Variants in ZNF891 observed in about 807,000 individuals in gnomAD.
ZNF891 encodes hCG1646157.
For synonymous variants in ZNF891, 199 were observed against 209.0 expected (o/e 0.95, Z 0.41); for missense variants, 589 against 632.7 (o/e 0.93, Z 0.74).
intron 1 of ZNF891, among the ~76,000 whole-genome samples, chr12:133,128,412 G>C (rs1304579444): frequency 2.6e-5 from 4 of 152,104 alleles, no homozygotes; most frequent in Non-Finnish European, 5.9e-5. Flanking sequence ...CGGGCGGATT[G>C]CCTGAGCTGA....
chr12:133,123,709 G>GA (rs760585563), intron 1 of ZNF891, among the ~76,000 whole-genome samples: 2,512 of 131,500 alleles, frequency 0.019, 47 homozygotes, highest in African/African-American at 0.051. Context: ...TCCTTTGCTT[G>GA]AAAAAAAAAA....
At position 133,111,929 on chromosome 12, in the gene ZNF891, T is replaced by C. The variant is rs1955685078; in HGVS notation, c.*8355A>G. 6.6e-6 allele frequency: 1 copy of C among 152,218 alleles called. No individual in the cohort carries two copies. 9.4% of individuals were successfully genotyped at this position (152,218 alleles called of 1,614,324 possible). A position where few individuals can be genotyped will look rare whatever the true frequency, so the allele number is the denominator to read the frequency against. Reference sequence around the variant, plus strand: ...TCATACATGAACTATTGCAAATAGCTTCCTAGTCTCTCAAGATTTTTTTAT... The same window carrying C: ...TCATACATGAACTATTGCAAATAGCCTCCTAGTCTCTCAAGATTTTTTTAT... On this transcript the variant is annotated 3_prime_UTR_variant, in exon 2 of 2. Transcript: ENST00000537226.
In ZNF891 at chr12:133,105,417, A is replaced by C; in HGVS notation, c.*14867T>G. 5 of 1,358,292 alleles carry C rather than the reference A, an allele frequency of 3.7e-6. No individual in the cohort carries two copies. The South Asian group carries it at 6.2e-5, about 17-fold the overall frequency. The allele number at this position is 1,358,292 out of a possible 1,614,324, so 84.1% of individuals were successfully genotyped here. On this transcript the variant is annotated 3_prime_UTR_variant, in exon 2 of 2. Transcript: ENST00000537226. ...AAGCTGCTATTGATAAGATTTTTTG[A>C]AACTTCATTCTGTTGCTAAAGAAGG...
In ZNF891 at chr12:133,121,790, C is replaced by T. The variant is rs991764931; in HGVS notation, c.129G>A (p.Met43Ile). 2.0e-6 allele frequency: 3 copies of T among 1,536,730 alleles called. No individual in the cohort carries two copies. The highest frequency in any genetic ancestry group is 1.7e-4 in the Middle Eastern group (1 of 6,016). ...VFLTTWLQEP[M>I]TFKDVAVEFT... is the part of the protein sequence containing the mutation. ...ACTCCACAGCTACATCTTTGAAAGTCATTGGTTCCTGTAACCAGGTTGTCA... is the reference window on the plus strand; with the variant it reads ...ACTCCACAGCTACATCTTTGAAAGTTATTGGTTCCTGTAACCAGGTTGTCA... Residue 43 changes from methionine (M) to isoleucine (I), a missense_variant, in exon 2 of 2, where the codon ATG becomes ATA. Met to Ile is a conservative substitution (Grantham distance 10). Transcript: ENST00000537226.
Position 133,106,591 on chromosome 12 carries a change from C to G in ZNF891, c.*13693G>C. On this transcript the variant is annotated 3_prime_UTR_variant, in exon 2 of 2. Coordinates refer to ENST00000537226, the MANE Select transcript of ZNF891 (RefSeq NM_001277291.2). ...AACATCAGAGGACACACACTCTTGA[C>G]AACCCCTATGAATATGAAAATTCAT... The G allele has an allele frequency of 1.2e-6, 2 of 1,612,954 alleles. No homozygotes were observed. Among genetic ancestry groups the G allele is most frequent in the Non-Finnish European group, 1.7e-6 (2 of 1,179,700 alleles).
chr12:133,126,969 C>CTTTTTT (rs543463648), intron 1 of ZNF891, among the ~76,000 whole-genome samples: 3 of 88,674 alleles, frequency 3.4e-5, no homozygotes, highest in Admixed American at 1.2e-4. Flanking sequence ...TACAGGAAAA[C>CTTTTTT]TTTTTTTTTT....
In ZNF891 at chr12:133,111,921, C is replaced by CA. The variant is rs2137609467; in HGVS notation, c.*8362dup. ...TTCAAATTTCATACATGAACTATTG[C>CA]AAATAGCTTCCTAGTCTCTCAAGAT... On this transcript the variant is annotated 3_prime_UTR_variant, in exon 2 of 2. Coordinates refer to ENST00000537226, the MANE Select transcript of ZNF891 (RefSeq NM_001277291.2). 6.6e-6 allele frequency: 1 copy of CA among 152,284 alleles called. No individual in the cohort carries two copies. The highest frequency in any genetic ancestry group is 6.5e-5 in the Admixed American group (1 of 15,300). The allele number at this position is 152,284 out of a possible 1,614,324, so 9.4% of individuals were successfully genotyped here.
chr12:133,106,739 C>G lies in ZNF891; in HGVS notation c.*13545G>C, dbSNP rs1955615386. ...ACTTCAGAGAACTCTTGGAAAGAAG[C>G]CTTATGTGAAAGTGATGACTGTGAA... On this transcript the variant is annotated 3_prime_UTR_variant, in exon 2 of 2. Coordinates refer to ENST00000537226, the MANE Select transcript of ZNF891 (RefSeq NM_001277291.2). The G allele has an allele frequency of 4.0e-6, 5 of 1,243,782 alleles. No homozygotes were observed. Among genetic ancestry groups the G allele is most frequent in the Admixed American group, 2.6e-5 (1 of 38,058 alleles). 77.0% of individuals were successfully genotyped at this position (1,243,782 alleles called of 1,614,324 possible).
chr12:133,120,660 ATAAGG>A lies in ZNF891; in HGVS notation c.1254_1258del (p.Leu419SerfsTer13). 6 of 1,557,528 alleles carry A rather than the reference ATAAGG, an allele frequency of 3.9e-6. No homozygotes were observed. Among genetic ancestry groups the A allele is most frequent in the South Asian group, 1.2e-5 (1 of 84,742 alleles). ...TCCAGTGTGTATTCTCTTGTGCACTATAAGGTAAGAGCTTGTGCCAAAGGATTTTC... is the reference window on the plus strand; with the variant it reads ...TCCAGTGTGTATTCTCTTGTGCACTATAAGAGCTTGTGCCAAAGGATTTTC... On this transcript the variant is annotated frameshift_variant, in exon 2 of 2. Transcript: ENST00000537226. LOFTEE classifies it low-confidence loss of function (END_TRUNC).
rs1270572396 is a variant in ZNF891, at chr12:133,108,798, GAAAAAGCAACTGTAT to G, written c.*11471_*11485del. 2.0e-5 allele frequency: 3 copies of G among 152,148 alleles called. No individual in the cohort carries two copies. Among genetic ancestry groups the G allele is most frequent in the Non-Finnish European group, 2.9e-5 (2 of 68,018 alleles). 9.4% of individuals were successfully genotyped at this position (152,148 alleles called of 1,614,324 possible). On this transcript the variant is annotated 3_prime_UTR_variant, in exon 2 of 2. Coordinates refer to ENST00000537226, the MANE Select transcript of ZNF891 (RefSeq NM_001277291.2). ...CTTAAATTTTAATACTCTTGTAGGAGAAAAAGCAACTGTATAAATGAATGTAGAGTGAATTTCTGC... is the reference window on the plus strand; with the variant it reads ...CTTAAATTTTAATACTCTTGTAGGAGAAATGAATGTAGAGTGAATTTCTGC...
Position 133,110,986 on chromosome 12 carries a change from A to C in ZNF891, c.*9298T>G, listed in dbSNP as rs1426713814. On this transcript the variant is annotated 3_prime_UTR_variant, in exon 2 of 2. Coordinates refer to ENST00000537226, the MANE Select transcript of ZNF891 (RefSeq NM_001277291.2). ...AAAACAAAACCAACAAAAGAAAAAG[A>C]AAAGAGAAAAAGGACAGGAAATTTG... 2 of 152,212 alleles carry C rather than the reference A, an allele frequency of 1.3e-5. No individual in the cohort carries two copies. The highest frequency in any genetic ancestry group is 4.8e-5 in the African/African-American group (2 of 41,430). The allele number at this position is 152,212 out of a possible 1,614,324, so 9.4% of individuals were successfully genotyped here. A position where few individuals can be genotyped will look rare whatever the true frequency, so the allele number is the denominator to read the frequency against.
In ZNF891 at chr12:133,106,320, A is replaced by G. The variant is rs372658988; in HGVS notation, c.*13964T>C. The G allele has an allele frequency of 3.7e-6, 6 of 1,614,112 alleles. No homozygotes were observed. The African/African-American group carries it at 6.7e-5, about 18-fold the overall frequency. ...TGTCACTCATTCCTTATTAAACATCAGAGAATTCATGCTGGAGAAAAGCTC... is the reference window on the plus strand; with the variant it reads ...TGTCACTCATTCCTTATTAAACATCGGAGAATTCATGCTGGAGAAAAGCTC... On this transcript the variant is annotated 3_prime_UTR_variant, in exon 2 of 2. Transcript: ENST00000537226.
rs1566332332 is a variant in ZNF891 at position 133,112,715 on chromosome 12, C to CT, written c.*7568dup. The CT allele has an allele frequency of 6.6e-6, 1 of 152,184 alleles. No homozygotes were observed. Among genetic ancestry groups the CT allele is most frequent in the African/African-American group, 2.4e-5 (1 of 41,442 alleles). 9.4% of individuals were successfully genotyped at this position (152,184 alleles called of 1,614,324 possible). On this transcript the variant is annotated 3_prime_UTR_variant, in exon 2 of 2. Transcript: ENST00000537226. Reference sequence around the variant, plus strand: ...AATTCTGCCTAGAGTAAGAGGAAGTCTAAAAAGTATCCACACCCTTTATCA... The same window carrying CT: ...AATTCTGCCTAGAGTAAGAGGAAGTCTTAAAAAGTATCCACACCCTTTATCA...
At position 133,111,618 on chromosome 12, in the gene ZNF891, A is replaced by T. The variant is rs1473835574; in HGVS notation, c.*8666T>A. 6.6e-6 allele frequency: 1 copy of T among 152,240 alleles called. No individual in the cohort carries two copies. Among genetic ancestry groups the T allele is most frequent in the African/African-American group, 2.4e-5 (1 of 41,472 alleles). The allele number at this position is 152,240 out of a possible 1,614,324, so 9.4% of individuals were successfully genotyped here. ...AAAAAAATGGATATTGCATCAAAAA[A>T]TATTTTAGAAAAATCAAAACTCCCA... is the stretch of plus-strand genomic sequence containing the variant. On this transcript the variant is annotated 3_prime_UTR_variant, in exon 2 of 2. Transcript: ENST00000537226.
At position 133,106,697 on chromosome 12, in the gene ZNF891, AAG is replaced by A. The variant is rs1955613743; in HGVS notation, c.*13585_*13586del. 6.8e-7 allele frequency: 1 copy of A among 1,476,318 alleles called. No individual in the cohort carries two copies. The highest frequency in any genetic ancestry group is 9.0e-7 in the Non-Finnish European group (1 of 1,107,286). 91.5% of individuals were successfully genotyped at this position (1,476,318 alleles called of 1,614,324 possible). ...CTATGAATGTATGGAATTTTTTAAAAAGAAGTATAATGCCTTACTTCAGAGAA... is the reference window on the plus strand; with the variant it reads ...CTATGAATGTATGGAATTTTTTAAAAAAGTATAATGCCTTACTTCAGAGAA... On this transcript the variant is annotated 3_prime_UTR_variant, in exon 2 of 2. Coordinates refer to ENST00000537226, the MANE Select transcript of ZNF891 (RefSeq NM_001277291.2).
In ZNF891 at chr12:133,117,343, A is replaced by C. The variant is rs969612110; in HGVS notation, c.*2941T>G. 6.6e-6 allele frequency: 1 copy of C among 152,254 alleles called. No homozygotes were observed. Among genetic ancestry groups the C allele is most frequent in the Non-Finnish European group, 1.5e-5 (1 of 68,050 alleles). The allele number at this position is 152,254 out of a possible 1,614,324, so 9.4% of individuals were successfully genotyped here. ...CTGAAGATCTATTCATAAAGAATAA[A>C]AAATATATATATTTGGTTAGTAATT... On this transcript the variant is annotated 3_prime_UTR_variant, in exon 2 of 2. Transcript: ENST00000537226.
rs1355361557 is a variant in ZNF891 at position 133,109,984 on chromosome 12, A to C, written c.*10300T>G. ...TAGTCCCAGCTGCTTGAGAGGCTGA[A>C]GCAGAAGAATGGCGTGAACCTGGGA... is the stretch of plus-strand genomic sequence containing the variant. On this transcript the variant is annotated 3_prime_UTR_variant, in exon 2 of 2. Transcript: ENST00000537226. 6.6e-6 allele frequency: 1 copy of C among 152,228 alleles called. No homozygotes were observed. Among genetic ancestry groups the C allele is most frequent in the East Asian group, 1.9e-4 (1 of 5,196 alleles). The allele number at this position is 152,228 out of a possible 1,614,324, so 9.4% of individuals were successfully genotyped here.
In ZNF891 at chr12:133,105,215, ATGG is replaced by A. The variant is rs1207695644; in HGVS notation, c.*15066_*15068del. ...AATTCTGGCAGTAAATACCGTTTAA[ATGG>A]TGGTGAAGAAGACTAGCAACCTATC... On this transcript the variant is annotated 3_prime_UTR_variant, in exon 2 of 2. Transcript: ENST00000537226. 2.0e-5 allele frequency among the ~76,000 whole-genome samples: 3 copies of A among 152,152 alleles called. No individual in the cohort carries two copies. Among genetic ancestry groups the A allele is most frequent in the East Asian group, 3.8e-4 (2 of 5,196 alleles).
Position 133,105,993 on chromosome 12 carries a change from A to G in ZNF891, c.*14291T>C. On this transcript the variant is annotated 3_prime_UTR_variant, in exon 2 of 2. Transcript: ENST00000537226. ...TTTCTTATTGAACACCAGAGAACGC[A>G]CACTGGGGAGAAACCTTATGAATGT... The G allele has an allele frequency of 6.2e-7, 1 of 1,614,124 alleles. No homozygotes were observed. Among genetic ancestry groups the G allele is most frequent in the Non-Finnish European group, 8.5e-7 (1 of 1,180,004 alleles).
Sources: gnomAD v4.1 joint callset for allele counts (sites outside exome capture counted in the v4.1 genomes callset) on GRCh38, gnomAD v4.1.1 for gene constraint, MANE v1.5 for transcripts, NCBI Gene and HGNC (gene_info 2026-07-23, HGNC 2026-07-21) for gene names.